Variants in COL22A1 observed in about 807,000 individuals in gnomAD.
COL22A1 encodes collagen type XXII alpha 1 chain.
COL22A1 carries 221 observed loss-of-function variants against 248.9 expected under a neutral mutation model. That is an observed-to-expected ratio of 0.89 (90% CI 0.80 to 0.99). COL22A1 has a LOEUF of 0.99. Ranked by LOEUF, COL22A1 falls within the 50% of genes least tolerant of loss-of-function variation. COL22A1 has a pLI of 0.00. For missense variants in COL22A1, 2,240 were observed against 2,179.0 expected (o/e 1.03, Z -0.56); for synonymous variants, 891 against 793.4 (o/e 1.12, Z -2.07).
chr8:138,660,975 T>C (rs371777197), intron 43 of COL22A1, among the ~76,000 whole-genome samples: 9,957 of 51,940 alleles, frequency 0.19, 392 homozygotes, highest in Middle Eastern at 0.26. Flanking sequence ...CACACACACA[T>C]ACACACACAC....
chr8:138,685,072 C>T (rs1368184356), intron 38 of COL22A1, 136 bp downstream of exon 38: 14 of 673,334 alleles, frequency 2.1e-5, no homozygotes, highest in Non-Finnish European at 2.9e-5. Context: ...CTAGCCTGAA[C>T]CCCTTTCCCA....
intron 39 of COL22A1, 76 bp downstream of exon 39, chr8:138,684,349 C>G: frequency 2.2e-6 from 2 of 928,122 alleles, no homozygotes; most frequent in Non-Finnish European, 3.6e-6. Context: ...ACCGGAGATG[C>G]TTATAATCAA....
intron 1 of COL22A1, among the ~76,000 whole-genome samples, chr8:138,897,802 A>G (rs955392079): frequency 4.0e-5 from 6 of 150,928 alleles, no homozygotes; most frequent in African/African-American, 1.2e-4. Flanking sequence ...CAACAACAGA[A>G]AAAAAAAAAC....
intron 10 of COL22A1, among the ~76,000 whole-genome samples, chr8:138,807,488 A>T (rs1817825926): frequency 6.6e-6 from 1 of 152,188 alleles, no homozygotes. Context: ...GACCATGGAG[A>T]GTTGAGCGTG....
At chr8:138,843,720 T>A (rs190261491) in intron 4 of COL22A1, among the ~76,000 whole-genome samples, 102 of 152,342 alleles carry the variant, frequency 6.7e-4, no homozygotes, top group Non-Finnish European at 1.2e-3. Context: ...ATAACTCTGA[T>A]TCACTCTCGC....
Position 138,589,061 on chromosome 8 carries a change from G to T in COL22A1, c.*192C>A. ...ACAACAATAATATTAATAATAATCT[G>T]ACCGACCGGCAGCGTCTGTTGGATT... On this transcript the variant is annotated 3_prime_UTR_variant, in exon 65 of 65. Coordinates refer to ENST00000303045, the MANE Select transcript of COL22A1 (RefSeq NM_152888.3). The T allele has an allele frequency of 1.7e-6, 1 of 572,900 alleles. No individual in the cohort carries two copies. Among genetic ancestry groups the T allele is most frequent in the Non-Finnish European group, 3.1e-6 (1 of 324,940 alleles). 35.5% of individuals were successfully genotyped at this position (572,900 alleles called of 1,614,324 possible). A position where few individuals can be genotyped will look rare whatever the true frequency, so the allele number is the denominator to read the frequency against.
intron 1 of COL22A1, among the ~76,000 whole-genome samples, chr8:138,887,074 T>C (rs1051829405): frequency 6.6e-6 from 1 of 152,126 alleles, no homozygotes; most frequent in Non-Finnish European, 1.5e-5. Flanking sequence ...AACTACACTC[T>C]TTATTTTAAA....
chr8:138,617,363 T>C (rs1318365643), intron 53 of COL22A1, among the ~76,000 whole-genome samples: 1 of 79,780 alleles, frequency 1.3e-5, no homozygotes, highest in Non-Finnish European at 3.8e-5. Flanking sequence ...TCACCCAGAG[T>C]TAGGTCCTGT....
At chr8:138,681,269 TATG>T (rs1350742855) in intron 39 of COL22A1, among the ~76,000 whole-genome samples, 1 of 152,234 alleles carries the variant, frequency 6.6e-6, no homozygotes, top group African/African-American at 2.4e-5. Context: ...TGCATACTTG[TATG>T]ATAACATTTA....
At chr8:138,829,242 G>A (rs973942014) in intron 5 of COL22A1, among the ~76,000 whole-genome samples, 1 of 152,068 alleles carries the variant, frequency 6.6e-6, no homozygotes, top group Non-Finnish European at 1.5e-5. Context: ...CATAGCACCT[G>A]GGCCTCCCTC....
chr8:138,688,321 G>C (rs1826529812), intron 37 of COL22A1, among the ~76,000 whole-genome samples: 1 of 152,022 alleles, frequency 6.6e-6, no homozygotes. Flanking sequence ...AGGAGTTTGA[G>C]ACCAGCCTGA....
intron 21 of COL22A1, among the ~76,000 whole-genome samples, chr8:138,753,976 GCA>G (rs1384488024): frequency 6.6e-6 from 1 of 152,206 alleles, no homozygotes; most frequent in Non-Finnish European, 1.5e-5. Flanking sequence ...AGGAGAGGCT[GCA>G]CAGTCAGATC....
At chr8:138,822,769 C>A (rs1035187752) in intron 6 of COL22A1, among the ~76,000 whole-genome samples, 2 of 152,060 alleles carry the variant, frequency 1.3e-5, no homozygotes, top group Non-Finnish European at 2.9e-5. Context: ...TTCCTCCCAC[C>A]CCTCCTGGCT....
At chr8:138,826,614 C>T (rs370224440) in intron 6 of COL22A1, 44 bp downstream of exon 6, 18 of 1,606,756 alleles carry the variant, frequency 1.1e-5, no homozygotes, top group African/African-American at 2.7e-5. Context: ...GAGAGGGGAA[C>T]AGAAAGCTCA....
intron 22 of COL22A1, among the ~76,000 whole-genome samples, chr8:138,738,998 G>C (rs10090839): frequency 0.64 from 97,008 of 151,956 alleles, 31,860 homozygotes; most frequent in East Asian, 0.93. Context: ...TTGGACCAGC[G>C]CACCATTCTC....
intron 49 of COL22A1, among the ~76,000 whole-genome samples, chr8:138,631,951 G>A (rs1820758519): frequency 6.6e-6 from 1 of 151,994 alleles, no homozygotes; most frequent in African/African-American, 2.4e-5. Flanking sequence ...ACAGTACCTG[G>A]GATATAGTAA....
chr8:138,774,878 C>T (rs368210165), intron 16 of COL22A1, among the ~76,000 whole-genome samples: 1 of 152,112 alleles, frequency 6.6e-6, no homozygotes, highest in Non-Finnish European at 1.5e-5. Flanking sequence ...CGCTGCATGT[C>T]GGAACAGCAA....
intron 41 of COL22A1, among the ~76,000 whole-genome samples, 186 bp downstream of exon 41, chr8:138,676,372 G>A (rs1825508002): frequency 9.9e-6 from 1 of 101,176 alleles, no homozygotes; most frequent in African/African-American, 3.1e-5. Context: ...CTCCAGCCTG[G>A]GCAACACTGC....
At chr8:138,716,193 T>A (rs751066089) in intron 29 of COL22A1, 34 bp downstream of exon 29, 13 of 1,538,746 alleles carry the variant, frequency 8.4e-6, no homozygotes, top group Non-Finnish European at 1.1e-5. Context: ...TGGGCGAGGT[T>A]CCTGTGTGGG....
Sources: allele counts gnomAD v4.1 joint callset (sites outside exome capture counted in the v4.1 genomes callset), GRCh38; gene constraint gnomAD v4.1.1; transcripts MANE v1.5; gene names NCBI Gene and HGNC (gene_info 2026-07-23, HGNC 2026-07-21).